The following TSPAN14 variants were observed in gnomAD, a reference collection of about 807,000 sequenced individuals.
TSPAN14 encodes tetraspanin 14.
In TSPAN14, 16 loss-of-function variants were observed where a neutral mutation model predicts 36.6. The observed-to-expected ratio is 0.44, with a 90% confidence interval of 0.30 to 0.66. The LOEUF is 0.66. Ranked by LOEUF, TSPAN14 falls within the 30% of genes least tolerant of loss-of-function variation. The pLI is 0.12. For synonymous variants in TSPAN14, 139 were observed against 143.8 expected (o/e 0.97, Z 0.24); for missense variants, 231 against 355.1 (o/e 0.65, Z 2.81).
intron 1 of TSPAN14, among the ~76,000 whole-genome samples, chr10:80,484,246 A>G (rs1486316064): frequency 6.6e-6 from 1 of 152,208 alleles, no homozygotes; most frequent in Non-Finnish European, 1.5e-5. Context: ...TGTTTAAAAA[A>G]AAAAAAAGTG....
At chr10:80,467,058 A>C (rs1846286504) in intron 1 of TSPAN14, among the ~76,000 whole-genome samples, 2 of 152,210 alleles carry the variant, frequency 1.3e-5, no homozygotes, top group Admixed American at 6.5e-5. Context: ...GGGGTGAGTG[A>C]CTTAACCCTT....
intron 1 of TSPAN14, among the ~76,000 whole-genome samples, chr10:80,472,632 A>T (rs193223379): frequency 6.6e-6 from 1 of 152,338 alleles, no homozygotes; most frequent in Admixed American, 6.5e-5. Flanking sequence ...TTAATTCCAT[A>T]ATTCCTTCTA....
chr10:80,494,106 G>GA (rs1004413125), intron 2 of TSPAN14, among the ~76,000 whole-genome samples: 1 of 152,222 alleles, frequency 6.6e-6, no homozygotes, highest in Non-Finnish European at 1.5e-5. Context: ...TGTTACACAG[G>GA]AAAGTCCTTT....
chr10:80,486,269 A>G (rs960497005), intron 1 of TSPAN14, among the ~76,000 whole-genome samples: 4 of 152,246 alleles, frequency 2.6e-5, no homozygotes, highest in African/African-American at 9.6e-5. Context: ...CTTCCTGCCA[A>G]CTGCATCCCC....
At chr10:80,520,678 C>T (rs760156146) in exon 9 of TSPAN14, 5 of 533,362 alleles carry the variant, frequency 9.4e-6, no homozygotes, top group Admixed American at 7.8e-5. Context: ...TAAAAACTTG[C>T]CGAGGCCCTA....
chr10:80,494,102 A>G (rs980650263), intron 2 of TSPAN14, among the ~76,000 whole-genome samples: 16 of 152,220 alleles, frequency 1.1e-4, no homozygotes, highest in African/African-American at 3.4e-4. Context: ...CCTGTGTTAC[A>G]CAGGAAAGTC....
intron 2 of TSPAN14, among the ~76,000 whole-genome samples, chr10:80,503,777 G>A (rs1214981226): frequency 6.6e-6 from 1 of 152,130 alleles, no homozygotes; most frequent in Non-Finnish European, 1.5e-5. Flanking sequence ...AGTGGCTCAA[G>A]GCTTGAGATC....
chr10:80,508,450 C>T (rs569105840), intron 4 of TSPAN14, among the ~76,000 whole-genome samples: 1 of 152,204 alleles, frequency 6.6e-6, no homozygotes, highest in South Asian at 2.1e-4. Context: ...TGAAAGATTA[C>T]TCCAAATTGG....
intron 2 of TSPAN14, among the ~76,000 whole-genome samples, chr10:80,502,008 C>T (rs550853097): frequency 5.8e-4 from 88 of 152,238 alleles, no homozygotes; most frequent in African/African-American, 2.0e-3. Flanking sequence ...GGATCAGTGC[C>T]GCGAAGAAAA....
At chr10:80,500,870 G>GC (rs1285360321) in intron 2 of TSPAN14, among the ~76,000 whole-genome samples, 1 of 152,240 alleles carries the variant, frequency 6.6e-6, no homozygotes, top group Non-Finnish European at 1.5e-5. Flanking sequence ...GTGAGCAGGA[G>GC]CAGGCCTACC....
chr10:80,507,187 C>T, intron 3 of TSPAN14, 41 bp from the exon 4 acceptor site: 1 of 1,613,490 alleles, frequency 6.2e-7, no homozygotes, highest in Non-Finnish European at 8.5e-7. Context: ...CTTGACTCCC[C>T]TTCTGGGCCA....
chr10:80,468,080 G>T (rs545894023), intron 1 of TSPAN14, among the ~76,000 whole-genome samples: 1 of 152,150 alleles, frequency 6.6e-6, no homozygotes, highest in Non-Finnish European at 1.5e-5. Context: ...TTGTCAACAG[G>T]TTCTAGGAGA....
chr10:80,464,385 G>A (rs1239622545), intron 1 of TSPAN14, among the ~76,000 whole-genome samples: 1 of 152,216 alleles, frequency 6.6e-6, no homozygotes, highest in Non-Finnish European at 1.5e-5. Context: ...GAACAGAAAT[G>A]GGGTACGGTT....
At position 80,516,324 on chromosome 10, in the gene TSPAN14, G is replaced by A; in HGVS notation, c.741+1G>A. On this transcript the variant is annotated splice_donor_variant, in intron 8 of 8. Coordinates refer to ENST00000429989, the Ensembl canonical transcript of TSPAN14. LOFTEE classifies it high-confidence loss of function. ...CTTCATCGCCATCTCGCTGTTGCAG[G>A]TGTGTCCCAGGAGCCTATAGGATTG... The A allele has an allele frequency of 6.2e-7, 1 of 1,614,236 alleles. No individual in the cohort carries two copies. Among genetic ancestry groups the A allele is most frequent in the Non-Finnish European group, 8.5e-7 (1 of 1,180,044 alleles).
intron 1 of TSPAN14, among the ~76,000 whole-genome samples, chr10:80,462,368 ATGGGG>A (rs1331542020): frequency 2.6e-4 from 13 of 49,060 alleles, no homozygotes; most frequent in Admixed American, 6.2e-4. Flanking sequence ...ATGGGATGGG[ATGGGG>A]TGGGGTGGGG....
intron 2 of TSPAN14, among the ~76,000 whole-genome samples, chr10:80,493,879 C>G (rs117047445): frequency 0.015 from 2,260 of 152,266 alleles, 86 homozygotes; most frequent in East Asian, 0.13. Context: ...TTATACCCCC[C>G]ACTGGTTCCA....
At chr10:80,465,630 AACAGAGAGAGGTCTC>A (rs1329952253) in intron 1 of TSPAN14, among the ~76,000 whole-genome samples, 1 of 152,204 alleles carries the variant, frequency 6.6e-6, no homozygotes, top group African/African-American at 2.4e-5. Context: ...CTACAGTGGG[AACAGAGAGAGGTCTC>A]ACCTGTTTTG....
rs1269551674 is a variant in TSPAN14, at chr10:80,517,892, G to A, written c.742-13G>A. On this transcript the variant is annotated splice_polypyrimidine_tract_variant and intron_variant, in intron 8 of 8. Transcript: ENST00000429989. ...CCAGCAATGGCCGCTGACTCTGCTG[G>A]TGTTGGTTTCAGATATTTGGCATCT... The A allele has an allele frequency of 1.9e-6, 3 of 1,559,342 alleles. No individual in the cohort carries two copies. Among genetic ancestry groups the A allele is most frequent in the Non-Finnish European group, 2.6e-6 (3 of 1,150,410 alleles).
At chr10:80,508,483 T>TAA (rs1288471300) in intron 4 of TSPAN14, among the ~76,000 whole-genome samples, 3 of 152,168 alleles carry the variant, frequency 2.0e-5, no homozygotes, top group African/African-American at 7.2e-5. Context: ...AGCTGCTTAG[T>TAA]GTCTTATATG....
Sources: gnomAD v4.1 joint callset for allele counts (sites outside exome capture counted in the v4.1 genomes callset) on GRCh38, gnomAD v4.1.1 for gene constraint, MANE v1.5 for transcripts, NCBI Gene and HGNC (gene_info 2026-07-23, HGNC 2026-07-21) for gene names.